PDZRN3: variants seen among roughly 807,000 people sequenced by gnomAD.
PDZRN3 encodes the protein E3 ubiquitin-protein ligase PDZRN3.
In PDZRN3, 38 loss-of-function variants were observed where a neutral mutation model predicts 85.7. The ratio of observed to expected loss-of-function variants is 0.44; its 90% CI spans 0.34 to 0.58. PDZRN3 has a LOEUF of 0.58. PDZRN3 is among the 20% of genes least tolerant of loss of function. The pLI, the probability that PDZRN3 is intolerant of heterozygous loss-of-function variation, is 0.01. For synonymous variants in PDZRN3, 759 were observed against 638.0 expected (o/e 1.19, Z -2.86); for missense variants, 1,629 against 1,506.4 (o/e 1.08, Z -1.35).
At chr3:73,420,094 T>C (rs540842287) in intron 3 of PDZRN3, among the ~76,000 whole-genome samples, 34 of 152,288 alleles carry the variant, frequency 2.2e-4, no homozygotes, top group African/African-American at 8.2e-4. Context: ...TACGAGACAG[T>C]GTAGGACACA....
Position 73,477,723 on chromosome 3 carries a change from T to A in PDZRN3, c.919-73328A>T, listed in dbSNP as rs543197957. 3.7e-4 allele frequency among the ~76,000 whole-genome samples: 56 copies of A among 152,302 alleles called. 1 individual carries two copies. In the South Asian group the frequency reaches 8.9e-3, roughly 24 times the overall value. On this transcript the variant is annotated intron_variant, in intron 3 of 9. Transcript: ENST00000263666. The stretch of plus-strand genomic sequence containing the variant: ...CCTAAATCATCACTATCTTTGTGTA[T>A]CAGTCCATTCTCACACTGCTCTAAG...
intron 3 of PDZRN3, among the ~76,000 whole-genome samples, chr3:73,466,131 A>G (rs1703207587): frequency 6.6e-6 from 1 of 152,192 alleles, no homozygotes; most frequent in African/African-American, 2.4e-5. Flanking sequence ...CAGTTTATTC[A>G]CAGCAGGAGC....
intron 1 of PDZRN3, among the ~76,000 whole-genome samples, chr3:73,611,768 C>T (rs1702688619): frequency 6.6e-6 from 1 of 152,174 alleles, no homozygotes; most frequent in South Asian, 2.1e-4. Context: ...AGTTTAACTT[C>T]TAATTTTTCA....
chr3:73,461,280 A>C (rs1295147119), intron 3 of PDZRN3, among the ~76,000 whole-genome samples: 1 of 152,202 alleles, frequency 6.6e-6, no homozygotes, highest in African/African-American at 2.4e-5. Flanking sequence ...CTTATTCTAC[A>C]TGTATATGTT....
chr3:73,404,652 T>C (rs1701818885), intron 3 of PDZRN3: 4 of 413,868 alleles, frequency 9.7e-6, no homozygotes, highest in Admixed American at 4.1e-5. Flanking sequence ...GGAATGTCTT[T>C]AACACAATTT....
intron 1 of PDZRN3, among the ~76,000 whole-genome samples, chr3:73,614,316 G>A (rs1018100567): frequency 2.6e-5 from 4 of 152,262 alleles, no homozygotes; most frequent in African/African-American, 9.6e-5. Context: ...TTTCTCTTTA[G>A]TATTACTCTG....
chr3:73,566,494 C>T (rs1701952599), intron 3 of PDZRN3, among the ~76,000 whole-genome samples: 1 of 152,150 alleles, frequency 6.6e-6, no homozygotes, highest in Admixed American at 6.5e-5. Context: ...TTTGAAAATG[C>T]TCATTATTTG....
At chr3:73,499,569 T>A (rs1169696165) in intron 3 of PDZRN3, among the ~76,000 whole-genome samples, 2 of 152,212 alleles carry the variant, frequency 1.3e-5, no homozygotes, top group Non-Finnish European at 2.9e-5. Flanking sequence ...AAGTTCTGGA[T>A]TTTCTGGAAT....
At chr3:73,488,027 A>G (rs778677276) in intron 3 of PDZRN3, among the ~76,000 whole-genome samples, 8 of 151,832 alleles carry the variant, frequency 5.3e-5, no homozygotes, top group Non-Finnish European at 1.2e-4. Flanking sequence ...TAAGGTTGCA[A>G]CGGTGGCACT....
At chr3:73,497,889 A>AC (rs1259314920) in intron 3 of PDZRN3, among the ~76,000 whole-genome samples, 1 of 151,828 alleles carries the variant, frequency 6.6e-6, no homozygotes, top group Admixed American at 6.6e-5. Flanking sequence ...ACCCACAAGA[A>AC]CCCCCCACCA....
chr3:73,385,209 A>T (rs939015588), intron 9 of PDZRN3, among the ~76,000 whole-genome samples: 1 of 151,882 alleles, frequency 6.6e-6, no homozygotes. Flanking sequence ...ATTCTGTTAA[A>T]TGAATCAGTA....
At chr3:73,606,295 C>T (rs1702598432) in intron 2 of PDZRN3, among the ~76,000 whole-genome samples, 1 of 152,226 alleles carries the variant, frequency 6.6e-6, no homozygotes, top group South Asian at 2.1e-4. Flanking sequence ...AAACAAGGAA[C>T]AGCCAACTCA....
chr3:73,602,546 T>A, intron 2 of PDZRN3, 85 bp from the exon 3 acceptor site: 1 of 726,778 alleles, frequency 1.4e-6, no homozygotes, highest in Non-Finnish European at 2.4e-6. Context: ...AAACAGTAAT[T>A]GACTCTTGCT....
chr3:73,602,471 A>T lies in PDZRN3; in HGVS notation c.811-10T>A, dbSNP rs74678844. On this transcript the variant is annotated splice_polypyrimidine_tract_variant and intron_variant, in intron 2 of 9. Coordinates refer to ENST00000263666, the MANE Select transcript of PDZRN3 (RefSeq NM_015009.3). Reference sequence around the variant, plus strand: ...ATCCATCGTGGTTATCCTTTGGGTTAAAAAAAAAAACATGCATGAATGCTA... The same window carrying T: ...ATCCATCGTGGTTATCCTTTGGGTTTAAAAAAAAAACATGCATGAATGCTA... 5.4e-4 allele frequency: 6 copies of T among 11,122 alleles called. No individual in the cohort carries two copies. In the South Asian group the frequency reaches 5.6e-3, roughly 10 times the overall value. 0.7% of individuals were successfully genotyped at this position (11,122 alleles called of 1,614,324 possible).
At chr3:73,508,820 C>T (rs1445105595) in intron 3 of PDZRN3, among the ~76,000 whole-genome samples, 2 of 152,050 alleles carry the variant, frequency 1.3e-5, no homozygotes, top group Non-Finnish European at 2.9e-5. Flanking sequence ...TTTTTCTCTC[C>T]CCTGTCCACT....
chr3:73,389,022 C>G (rs550722444), intron 7 of PDZRN3, among the ~76,000 whole-genome samples: 1 of 149,384 alleles, frequency 6.7e-6, no homozygotes, highest in African/African-American at 2.5e-5. Flanking sequence ...CTAGGGCAAG[C>G]GATCCTGAGC....
At chr3:73,384,961 T>C in intron 9 of PDZRN3, 31 bp from the exon 10 acceptor site, 1 of 1,561,490 alleles carries the variant, frequency 6.4e-7, no homozygotes, top group Non-Finnish European at 8.7e-7. Flanking sequence ...AGGGTCACAG[T>C]GAGGGAGGCC....
At chr3:73,460,874 A>C (rs1482379928) in intron 3 of PDZRN3, among the ~76,000 whole-genome samples, 1 of 152,048 alleles carries the variant, frequency 6.6e-6, no homozygotes, top group Non-Finnish European at 1.5e-5. Flanking sequence ...GCTCACTGCA[A>C]CCTCTGCCTC....
intron 3 of PDZRN3, among the ~76,000 whole-genome samples, chr3:73,465,952 C>T (rs1040714398): frequency 8.5e-5 from 13 of 152,154 alleles, no homozygotes; most frequent in Admixed American, 2.0e-4. Flanking sequence ...TGGAATATGT[C>T]TCCAAAACAA....
Sources: gnomAD v4.1 joint callset for allele counts (sites outside exome capture counted in the v4.1 genomes callset) on GRCh38, gnomAD v4.1.1 for gene constraint, MANE v1.5 for transcripts, NCBI Gene and HGNC (gene_info 2026-07-23, HGNC 2026-07-21) for gene names.